Variants in ATP11A observed in about 807,000 individuals in gnomAD.
ATP11A encodes ATPase phospholipid transporting 11A, also known as phospholipid-transporting ATPase IH.
ATP11A carries 81 observed loss-of-function variants against 154.4 expected under a neutral mutation model. The ratio of observed to expected loss-of-function variants is 0.52; its 90% CI spans 0.44 to 0.63. The LOEUF (loss-of-function observed/expected upper bound fraction) is 0.63, where lower values mean the gene tolerates loss of function less well. ATP11A is among the 30% of genes least tolerant of loss of function. The probability of loss-of-function intolerance (pLI) is 0.00; values close to 1 mark genes in which losing one functional copy is unlikely to be tolerated. For missense variants in ATP11A, 1,316 were observed against 1,474.3 expected (o/e 0.89, Z 1.76); for synonymous variants, 623 against 585.9 (o/e 1.06, Z -0.91).
intron 17 of ATP11A, among the ~76,000 whole-genome samples, chr13:112,845,917 T>C (rs1420473949): frequency 1.3e-5 from 2 of 152,228 alleles, no homozygotes; most frequent in Non-Finnish European, 2.9e-5. Context: ...TTTCTACGGA[T>C]GGACCAGTTT....
chr13:112,740,454 A>G (rs2139746010), intron 1 of ATP11A, among the ~76,000 whole-genome samples: 1 of 152,316 alleles, frequency 6.6e-6, no homozygotes, highest in South Asian at 2.1e-4. Context: ...GATTCCAGGC[A>G]TGAGCTACTG....
In ATP11A at chr13:112,854,523, C is replaced by G. The variant is rs539327116; in HGVS notation, c.2236C>G (p.Leu746Val). Reference protein sequence around the residue: ...RHSGSLTRDNLSGLSADMQDY... With the variant: ...RHSGSLTRDNVSGLSADMQDY... ...CAGCGGGAGCCTGACCAGAGACAAC[C>G]TGTCCGGGTAGGCAGCGCGTCCCCG... The change falls in exon 19 of 30, where the codon CTG (leucine) becomes GTG (valine). Residue 746 changes from leucine (L) to valine (V), a missense_variant. Leu to Val is a conservative substitution (Grantham distance 32, BLOSUM62 1). Coordinates refer to ENST00000375645, the MANE Select transcript of ATP11A (RefSeq NM_015205.3). 3,441 of 1,609,436 alleles carry G rather than the reference C, an allele frequency of 2.1e-3. 112 individuals are homozygous for G. The South Asian group carries it at 0.036, about 17-fold the overall frequency.
intron 26 of ATP11A, 60 bp downstream of exon 26, chr13:112,871,860 C>G: frequency 6.7e-7 from 1 of 1,488,734 alleles, no homozygotes; most frequent in Non-Finnish European, 9.4e-7. Flanking sequence ...CAGTGTAGGC[C>G]TCACGCGCTC....
chr13:112,860,525 T>C, intron 24 of ATP11A, 111 bp downstream of exon 24: 1 of 1,272,620 alleles, frequency 7.9e-7, no homozygotes, highest in Non-Finnish European at 1.1e-6. Flanking sequence ...CCAGAAGCAT[T>C]CGGCATCTGC....
At chr13:112,773,660 G>A (rs535721563) in intron 1 of ATP11A, among the ~76,000 whole-genome samples, 2 of 152,338 alleles carry the variant, frequency 1.3e-5, no homozygotes, top group Non-Finnish European at 2.9e-5. Context: ...GCTCTTTTGG[G>A]TAACTGGTCC....
chr13:112,701,429 T>C (rs1156576609), intron 1 of ATP11A, among the ~76,000 whole-genome samples: 3 of 152,208 alleles, frequency 2.0e-5, no homozygotes, highest in Non-Finnish European at 4.4e-5. Context: ...ACTTGCCAAG[T>C]TCGCCTGACC....
At chr13:112,710,951 C>T (rs1050506890) in intron 1 of ATP11A, among the ~76,000 whole-genome samples, 1 of 137,420 alleles carries the variant, frequency 7.3e-6, no homozygotes, top group African/African-American at 2.8e-5. Flanking sequence ...AGGGCCCCTG[C>T]CAACCACCCG....
intron 1 of ATP11A, among the ~76,000 whole-genome samples, chr13:112,762,524 G>A (rs953964172): frequency 6.6e-6 from 1 of 152,154 alleles, no homozygotes; most frequent in East Asian, 1.9e-4. Flanking sequence ...AGGAGACCAC[G>A]ATAAACTCCT....
At chr13:112,706,024 T>G (rs1229068549) in intron 1 of ATP11A, among the ~76,000 whole-genome samples, 4 of 152,148 alleles carry the variant, frequency 2.6e-5, no homozygotes, top group Non-Finnish European at 5.9e-5. Flanking sequence ...TGAAACTGAT[T>G]AGGGGCAATT....
rs5806957 is a variant in ATP11A, at chr13:112,700,044, AT to A, written c.39+9605del. Among the ~76,000 whole-genome samples the A allele has an allele frequency of 9.4e-3, 1,313 of 139,820 alleles. 26 individuals carry two copies. Among genetic ancestry groups the A allele is most frequent in the African/African-American group, 0.032 (1,191 of 37,348 alleles). 91.7% of individuals were successfully genotyped at this position (139,820 alleles called of 152,430 possible). A position where few individuals can be genotyped will look rare whatever the true frequency, so the allele number is the denominator to read the frequency against. On this transcript the variant is annotated intron_variant, in intron 1 of 29. Coordinates refer to ENST00000375645, the MANE Select transcript of ATP11A (RefSeq NM_015205.3). Reference sequence around the variant, plus strand: ...TGTCACATCTCATGTGACAAAGGTAATTTTTTTTTTTTTTTTGGCTTGGAAA... The same window carrying A: ...TGTCACATCTCATGTGACAAAGGTAATTTTTTTTTTTTTTTGGCTTGGAAA...
At chr13:112,730,107 C>T (rs1222091365) in intron 1 of ATP11A, among the ~76,000 whole-genome samples, 7 of 152,134 alleles carry the variant, frequency 4.6e-5, no homozygotes, top group Non-Finnish European at 7.3e-5. Flanking sequence ...TAAAAGAGCC[C>T]GTGGGAACCC....
chr13:112,756,837 C>T (rs28694447), intron 1 of ATP11A, among the ~76,000 whole-genome samples: 8 of 150,782 alleles, frequency 5.3e-5, no homozygotes, highest in African/African-American at 1.2e-4. Flanking sequence ...CAGCACGGGG[C>T]CTGCTCCCAG....
chr13:112,766,678 A>T (rs537605388), intron 1 of ATP11A, among the ~76,000 whole-genome samples: 3 of 152,090 alleles, frequency 2.0e-5, no homozygotes, highest in Non-Finnish European at 4.4e-5. Context: ...GGATGGGGGC[A>T]GAAGCACCTG....
intron 1 of ATP11A, among the ~76,000 whole-genome samples, chr13:112,724,787 C>T (rs1312463145): frequency 2.0e-5 from 3 of 152,178 alleles, no homozygotes; most frequent in Non-Finnish European, 4.4e-5. Context: ...AACAGAAACA[C>T]TCCTGCCATG....
chr13:112,732,526 T>C (rs1890595174), intron 1 of ATP11A, among the ~76,000 whole-genome samples: 1 of 152,192 alleles, frequency 6.6e-6, no homozygotes, highest in Non-Finnish European at 1.5e-5. Context: ...CTGCATTTTC[T>C]CTTCTGGCCT....
intron 3 of ATP11A, among the ~76,000 whole-genome samples, chr13:112,805,394 G>C (rs1007621064): frequency 6.6e-6 from 1 of 152,150 alleles, no homozygotes; most frequent in Non-Finnish European, 1.5e-5. Context: ...GTGTGTGGAT[G>C]CTCTAAAGAA....
chr13:112,807,808 G>A lies in ATP11A; in HGVS notation c.333+1515G>A, dbSNP rs1594762074. Among the ~76,000 whole-genome samples, 1 of 152,096 alleles carries A rather than the reference G, an allele frequency of 6.6e-6. No homozygotes were observed. The highest frequency in any genetic ancestry group is 6.5e-5 in the Admixed American group (1 of 15,276). Reference sequence around the variant, plus strand: ...AGGAGCAGAGGCTGCAGACAGGAAGGAGACCCCTGAGCCTCTCAAGGGGAG... The same window carrying A: ...AGGAGCAGAGGCTGCAGACAGGAAGAAGACCCCTGAGCCTCTCAAGGGGAG... On this transcript the variant is annotated intron_variant, in intron 4 of 29. Coordinates refer to ENST00000375645, the MANE Select transcript of ATP11A (RefSeq NM_015205.3). The surrounding 1 kb of genome is among the most constrained non-coding windows in gnomAD (Gnocchi z 4.5).
rs774132064 is a variant in ATP11A, at chr13:112,805,041, G to C, written c.247G>C (p.Val83Leu). ...CTTTTATTTCCTTATCATATTTCTG[G>C]TGCAGGTAAGGCCGGTCATTGTTTT... ...ANFYFLIIFL[V>L]QLIIDTPTSP... Residue 83 changes from valine to leucine, a missense_variant, in exon 3 of 30, where the codon GTG (valine) becomes CTG (leucine). Transcript: ENST00000375645. 6.2e-7 allele frequency: 1 copy of C among 1,605,800 alleles called. No individual in the cohort carries two copies. The highest frequency in any genetic ancestry group is 8.5e-7 in the Non-Finnish European group (1 of 1,175,350).
Position 112,851,047 on chromosome 13 carries a change from G to A in ATP11A, c.1820G>A (p.Arg607Gln), listed in dbSNP as rs745652275. 3.7e-6 allele frequency: 6 copies of A among 1,613,876 alleles called. No individual in the cohort carries two copies. The highest frequency in any genetic ancestry group is 1.3e-5 in the African/African-American group (1 of 74,998). ...RVERNAVEGL[R>Q]TLCVAYKRLI... ...CATTGTGTTCTGCAGGAGGGGCTCC[G>A]AACTTTGTGTGTTGCTTATAAAAGG... is the stretch of plus-strand genomic sequence containing the variant. The change falls in exon 18 of 30, where the codon CGA (arginine) becomes CAA (glutamine). Residue 607 changes from arginine to glutamine, a missense_variant. Coordinates refer to ENST00000375645, the MANE Select transcript of ATP11A (RefSeq NM_015205.3).
Sources: allele counts gnomAD v4.1 joint callset (sites outside exome capture counted in the v4.1 genomes callset), GRCh38; gene constraint gnomAD v4.1.1; non-coding constraint Gnocchi (gnomAD v3.1); transcripts MANE v1.5; gene names NCBI Gene and HGNC (gene_info 2026-07-23, HGNC 2026-07-21).